Variants in ARMC6 observed in about 807,000 individuals in gnomAD.
ARMC6 encodes the protein armadillo repeat-containing protein 6.
ARMC6 carries 43 observed loss-of-function variants against 49.2 expected under a neutral mutation model. The ratio of observed to expected loss-of-function variants is 0.87; its 90% CI spans 0.69 to 1.13. The LOEUF is 1.13. Ranked by LOEUF, ARMC6 falls within the 50% of genes most tolerant of loss-of-function variation. The pLI is 0.00. For synonymous variants in ARMC6, 262 were observed against 289.6 expected, an observed-to-expected ratio of 0.90 and a Z score of 0.97; for missense variants, 627 against 682.0, an observed-to-expected ratio of 0.92 and a Z score of 0.90.
intron 2 of ARMC6, chr19:19,039,463 G>C (rs1479350062): frequency 2.4e-6 from 1 of 422,720 alleles, no homozygotes; most frequent in African/African-American, 2.0e-5. Context: ...CGTTTTCACA[G>C]AGTTGTACAA....
intron 2 of ARMC6, among the ~76,000 whole-genome samples, chr19:19,038,867 A>G (rs1267675525): frequency 6.7e-6 from 1 of 149,290 alleles, no homozygotes; most frequent in Non-Finnish European, 1.5e-5. Flanking sequence ...TTACTTGCTT[A>G]TTTTTATTTT....
chr19:19,039,373 A>G (rs964546325), intron 2 of ARMC6: 16 of 451,888 alleles, frequency 3.5e-5, no homozygotes, highest in Non-Finnish European at 7.1e-5. Context: ...CAGACTTGAA[A>G]CAGTCCTCCC....
Position 19,055,514 on chromosome 19 carries a change from G to T in ARMC6, c.1155+118G>T. On this transcript the variant is annotated intron_variant, in intron 7 of 8. Coordinates refer to ENST00000535612, the MANE Select transcript of ARMC6 (RefSeq NM_001199196.2). The surrounding 1 kb of genome is among the most constrained non-coding windows in gnomAD (Gnocchi z 5.7). ...GGCCAGGGCAGGGCTGGTGAGGGTCGTGGGCATTGGCTCTCAAATGCTGAC... is the reference window on the plus strand; with the variant it reads ...GGCCAGGGCAGGGCTGGTGAGGGTCTTGGGCATTGGCTCTCAAATGCTGAC... 3 of 1,402,530 alleles carry T rather than the reference G, an allele frequency of 2.1e-6. No individual in the cohort carries two copies. Among genetic ancestry groups the T allele is most frequent in the Admixed American group, 5.3e-5 (2 of 37,606 alleles). The allele number at this position is 1,402,530 out of a possible 1,614,324, so 86.9% of individuals were successfully genotyped here. A position where few individuals can be genotyped will look rare whatever the true frequency, so the allele number is the denominator to read the frequency against.
intron 2 of ARMC6, among the ~76,000 whole-genome samples, chr19:19,035,318 T>C (rs2059351981): frequency 6.6e-6 from 1 of 152,228 alleles, no homozygotes; most frequent in Admixed American, 6.5e-5. Context: ...CACAGTTTTC[T>C]TGATGAGCAG....
At chr19:19,044,151 C>A in intron 4 of ARMC6, 77 bp downstream of exon 4, 1 of 1,400,322 alleles carries the variant, frequency 7.1e-7, no homozygotes, top group Non-Finnish European at 1.0e-6. Context: ...TCCTGGATGG[C>A]AGAATACAGG....
At chr19:19,052,228 C>A (rs765644737) in intron 5 of ARMC6, 33 bp downstream of exon 5, 2 of 1,543,744 alleles carry the variant, frequency 1.3e-6, no homozygotes, top group East Asian at 4.5e-5. Context: ...AGCCAGCGAA[C>A]AAAGTGGGCG....
chr19:19,034,271 G>A, intron 2 of ARMC6, 33 bp downstream of exon 2: 4 of 1,589,452 alleles, frequency 2.5e-6, no homozygotes, highest in Admixed American at 1.7e-5. Context: ...AGAGTGATGG[G>A]ACGGGAAAGC....
At chr19:19,040,792 C>T (rs767237404) in intron 2 of ARMC6, 16 of 439,000 alleles carry the variant, frequency 3.6e-5, no homozygotes, top group Admixed American at 5.0e-5. Flanking sequence ...GGATTACAGA[C>T]GTGAGCCACC....
chr19:19,054,074 A>G, intron 5 of ARMC6, 78 bp from the exon 6 acceptor site: 1 of 1,397,090 alleles, frequency 7.2e-7, no homozygotes, highest in Middle Eastern at 2.7e-4. Flanking sequence ...CTTCCAGTGG[A>G]GCAGGATCTC....
chr19:19,049,870 A>T (rs1275465779), intron 4 of ARMC6, among the ~76,000 whole-genome samples: 1 of 152,140 alleles, frequency 6.6e-6, no homozygotes, highest in Non-Finnish European at 1.5e-5. Flanking sequence ...CTAAAAATAC[A>T]AAAATTATCC....
intron 4 of ARMC6, among the ~76,000 whole-genome samples, chr19:19,047,718 C>T (rs2059462649): frequency 6.6e-6 from 1 of 152,168 alleles, no homozygotes; most frequent in Admixed American, 6.6e-5. Context: ...TATTCGGAAC[C>T]AAATATGAGT....
intron 5 of ARMC6, 148 bp from the exon 6 acceptor site, chr19:19,054,004 G>C (rs1359114307): frequency 2.1e-5 from 14 of 668,028 alleles, no homozygotes; most frequent in Non-Finnish European, 3.1e-5. Flanking sequence ...GGTAGCCCCT[G>C]GTGTTCCCTG....
chr19:19,039,654 C>T (rs763667662), intron 2 of ARMC6, among the ~76,000 whole-genome samples: 16 of 152,282 alleles, frequency 1.1e-4, no homozygotes, highest in Middle Eastern at 3.4e-3. Context: ...TGAGGCTTTT[C>T]GTGTCTGGCT....
chr19:19,052,098 TGAC>T lies in ARMC6; in HGVS notation c.760_762del (p.Asp254del). ...GGGCCCTGCGTGTCATGACCTTCGA[TGAC>T]GACATCCGTGTGCCCTTTGGCCATG... On this transcript the variant is annotated inframe_deletion, in exon 5 of 9. Coordinates refer to ENST00000535612, the MANE Select transcript of ARMC6 (RefSeq NM_001199196.2). 2 of 1,613,948 alleles carry T rather than the reference TGAC, an allele frequency of 1.2e-6. No homozygotes were observed. The highest frequency in any genetic ancestry group is 1.7e-6 in the Non-Finnish European group (2 of 1,180,048).
chr19:19,034,274 G>A (rs1424611237), intron 2 of ARMC6, 36 bp downstream of exon 2: 1 of 1,586,652 alleles, frequency 6.3e-7, no homozygotes, highest in African/African-American at 1.3e-5. Context: ...GTGATGGGAC[G>A]GGAAAGCAGG....
intron 5 of ARMC6, 83 bp from the exon 6 acceptor site, chr19:19,054,069 A>T: frequency 7.3e-7 from 1 of 1,363,656 alleles, no homozygotes. Context: ...GGACTCTTCC[A>T]GTGGAGCAGG....
intron 5 of ARMC6, among the ~76,000 whole-genome samples, chr19:19,052,542 G>A (rs567858640): frequency 5.3e-5 from 8 of 152,334 alleles, no homozygotes; most frequent in Admixed American, 2.6e-4. Flanking sequence ...TGGCTGGCAT[G>A]CACCATGGCA....
In ARMC6 at chr19:19,037,653, A is replaced by C. The variant is rs777639546; in HGVS notation, c.29+3415A>C. On this transcript the variant is annotated intron_variant, in intron 2 of 8. Coordinates refer to ENST00000535612, the MANE Select transcript of ARMC6 (RefSeq NM_001199196.2). ...AGTGCAGGCCACCATGCCTGGCCTG[A>C]AGTGGAAACTTGATAATTCCAGAAC... 62 of 1,189,332 alleles carry C rather than the reference A, an allele frequency of 5.2e-5. No homozygotes were observed. The South Asian group carries it at 9.0e-4, about 17-fold the overall frequency. 73.7% of individuals were successfully genotyped at this position (1,189,332 alleles called of 1,614,324 possible).
chr19:19,042,266 TTCAGAATAACATTACTA>T (rs1280570447), intron 2 of ARMC6, among the ~76,000 whole-genome samples: 1 of 152,220 alleles, frequency 6.6e-6, no homozygotes, highest in Non-Finnish European at 1.5e-5. Context: ...CCGTAATAGT[TTCAGAATAACATTACTA>T]GTATCATTAT....
Sources: allele counts gnomAD v4.1 joint callset (sites outside exome capture counted in the v4.1 genomes callset), GRCh38; gene constraint gnomAD v4.1.1; non-coding constraint Gnocchi (gnomAD v3.1); transcripts MANE v1.5; gene names NCBI Gene and HGNC (gene_info 2026-07-23, HGNC 2026-07-21).